ARMC9: variants seen among roughly 807,000 people sequenced by gnomAD.
The protein encoded by ARMC9 is lisH domain-containing protein ARMC9.
A neutral mutation model predicts 107.0 loss-of-function variants in ARMC9; 94 were observed. The ratio of observed to expected loss-of-function variants is 0.88; its 90% CI spans 0.74 to 1.04. ARMC9 has a LOEUF of 1.04. Ranked by LOEUF, ARMC9 falls within the 50% of genes least tolerant of loss-of-function variation. ARMC9 has a pLI of 0.00. For synonymous variants in ARMC9, 380 were observed against 396.9 expected, an observed-to-expected ratio of 0.96 and a Z score of 0.51; for missense variants, 942 against 1,030.1, an observed-to-expected ratio of 0.91 and a Z score of 1.17.
intron 7 of ARMC9, among the ~76,000 whole-genome samples, chr2:231,233,170 A>T (rs1304378896): frequency 6.6e-6 from 1 of 152,238 alleles, no homozygotes; most frequent in Non-Finnish European, 1.5e-5. Flanking sequence ...TTGGGTTTTA[A>T]TAGTAAAAAT....
intron 17 of ARMC9, among the ~76,000 whole-genome samples, chr2:231,283,582 A>T (rs1172729049): frequency 6.6e-6 from 1 of 151,998 alleles, no homozygotes; most frequent in East Asian, 1.9e-4. Context: ...GGTGTGCACC[A>T]CCACACCTAG....
At position 231,355,821 on chromosome 2, in the gene ARMC9, C is replaced by A. The variant is rs919608368; in HGVS notation, c.2018C>A (p.Pro673His). ...YPVVEDQHTP[P>H]QTAQHARNGH... ...AGGGTGGAAGACCAACACACACCTC[C>A]CCAGACAGCCCAGCACGCCAGAAAC... Residue 673 changes from proline (P) to histidine (H), a missense_variant, in exon 22 of 25, where the codon CCC becomes CAC. Transcript: ENST00000611582. 2.6e-6 allele frequency: 4 copies of A among 1,535,904 alleles called. No homozygotes were observed. The highest frequency in any genetic ancestry group is 3.5e-6 in the Non-Finnish European group (4 of 1,146,830).
intron 16 of ARMC9, among the ~76,000 whole-genome samples, chr2:231,281,497 A>G (rs2040216872): frequency 6.6e-6 from 1 of 152,136 alleles, no homozygotes; most frequent in Non-Finnish European, 1.5e-5. Flanking sequence ...ACTGGGCTCT[A>G]TGGAAGGTTT....
intron 18 of ARMC9, chr2:231,293,826 G>A (rs1369890783): frequency 6.6e-6 from 1 of 152,210 alleles, no homozygotes; most frequent in Non-Finnish European, 1.5e-5. Context: ...AAATTTTACA[G>A]TGATTGAACA....
At chr2:231,244,242 A>G (rs1238653572) in intron 9 of ARMC9, among the ~76,000 whole-genome samples, 1 of 152,210 alleles carries the variant, frequency 6.6e-6, no homozygotes, top group Non-Finnish European at 1.5e-5. Flanking sequence ...GGCCCATTAA[A>G]TCGAGCCCTT....
At chr2:231,285,215 T>G (rs966216865) in intron 17 of ARMC9, among the ~76,000 whole-genome samples, 4 of 151,708 alleles carry the variant, frequency 2.6e-5, no homozygotes, top group Non-Finnish European at 5.9e-5. Context: ...AAAAAAAAAT[T>G]ATAGCGGTCT....
At chr2:231,291,550 G>A in intron 18 of ARMC9, 107 bp downstream of exon 18, 1 of 1,131,086 alleles carries the variant, frequency 8.8e-7, no homozygotes, top group Non-Finnish European at 1.3e-6. Flanking sequence ...GGGCACGGTG[G>A]CTCGTGCTTA....
intron 12 of ARMC9, among the ~76,000 whole-genome samples, chr2:231,269,858 A>C (rs1366440663): frequency 6.6e-6 from 1 of 151,666 alleles, no homozygotes; most frequent in African/African-American, 2.4e-5. Flanking sequence ...CATTTACTCC[A>C]AGCCCCGCCC....
intron 19 of ARMC9, among the ~76,000 whole-genome samples, chr2:231,308,103 C>G (rs2042132161): frequency 6.6e-6 from 1 of 152,194 alleles, no homozygotes; most frequent in Non-Finnish European, 1.5e-5. Flanking sequence ...GCCCAAGAGA[C>G]GTGAGCAGAG....
At chr2:231,311,783 A>G (rs2042366722) in intron 19 of ARMC9, among the ~76,000 whole-genome samples, 1 of 151,042 alleles carries the variant, frequency 6.6e-6, no homozygotes, top group Non-Finnish European at 1.5e-5. Flanking sequence ...AAAAAAAAAA[A>G]AAAAAAAAAA....
rs565858969 is a variant in ARMC9 at position 231,325,538 on chromosome 2, G to A, written c.1774-6255G>A. On this transcript the variant is annotated intron_variant, in intron 19 of 24. Transcript: ENST00000611582. ...GTGATTCCAATGCCCATTTCCAGCT[G>A]GGGCCTCTGAGGCTCTGTCCCCTGG... 2.6e-5 allele frequency among the ~76,000 whole-genome samples: 4 copies of A among 152,224 alleles called. No individual in the cohort carries two copies. The East Asian group carries it at 5.8e-4, about 22-fold the overall frequency.
Position 231,273,096 on chromosome 2 carries a change from G to C in ARMC9, c.1334+18G>C. ...AGTCTCAGGTAACGACTGTGCAATAGGTCACGGTGTCTCCTGTGAGATCAG... is the reference window on the plus strand; with the variant it reads ...AGTCTCAGGTAACGACTGTGCAATACGTCACGGTGTCTCCTGTGAGATCAG... On this transcript the variant is annotated intron_variant, in intron 14 of 24. Coordinates refer to ENST00000611582, the MANE Select transcript of ARMC9 (RefSeq NM_001352754.2). 1 of 1,607,924 alleles carries C rather than the reference G, an allele frequency of 6.2e-7. No individual in the cohort carries two copies. Among genetic ancestry groups the C allele is most frequent in the Non-Finnish European group, 8.5e-7 (1 of 1,177,056 alleles).
Position 231,360,892 on chromosome 2 carries a change from G to T in ARMC9, c.2261+9G>T, listed in dbSNP as rs1412861816. On this transcript the variant is annotated intron_variant, in intron 23 of 24. Transcript: ENST00000611582. The surrounding 1 kb of genome is among the most constrained non-coding windows in gnomAD (Gnocchi z 4.7). ...AATGGAGTGACCACCAGGTAAGGGG[G>T]ATATCACAAGGCCTCGAACCTGACT... 5.9e-6 allele frequency: 9 copies of T among 1,520,066 alleles called. No homozygotes were observed. The highest frequency in any genetic ancestry group is 7.9e-6 in the Non-Finnish European group (9 of 1,139,524). The allele number at this position is 1,520,066 out of a possible 1,614,324, so 94.2% of individuals were successfully genotyped here. A position where few individuals can be genotyped will look rare whatever the true frequency, so the allele number is the denominator to read the frequency against.
chr2:231,305,770 TAGAG>T (rs1279732242), intron 19 of ARMC9, among the ~76,000 whole-genome samples: 1 of 152,156 alleles, frequency 6.6e-6, no homozygotes, highest in Non-Finnish European at 1.5e-5. Context: ...AAAAAAATAG[TAGAG>T]AGGATTCCTG....
At chr2:231,212,391 A>G (rs2032993394) in intron 3 of ARMC9, among the ~76,000 whole-genome samples, 1 of 152,272 alleles carries the variant, frequency 6.6e-6, no homozygotes. Context: ...ATGACATAGC[A>G]AAGGTTTGTG....
intron 20 of ARMC9, among the ~76,000 whole-genome samples, chr2:231,338,063 G>T (rs981425040): frequency 2.0e-5 from 3 of 152,098 alleles, no homozygotes; most frequent in Non-Finnish European, 4.4e-5. Context: ...ATCTCTTAGC[G>T]TGGCCCTGCC....
chr2:231,199,757 A>G (rs1487663224), intron 1 of ARMC9, among the ~76,000 whole-genome samples: 2 of 151,958 alleles, frequency 1.3e-5, no homozygotes, highest in Non-Finnish European at 2.9e-5. Flanking sequence ...GTGGAGTGGC[A>G]TGATCTCGGC....
At chr2:231,272,500 G>GTGTGTT (rs1553611246) in intron 13 of ARMC9, among the ~76,000 whole-genome samples, 5 of 147,492 alleles carry the variant, frequency 3.4e-5, no homozygotes, top group South Asian at 2.2e-4. Flanking sequence ...CAACCAGTAA[G>GTGTGTT]TGTTTGTTTG....
intron 9 of ARMC9, among the ~76,000 whole-genome samples, chr2:231,254,747 T>C (rs1394722159): frequency 6.6e-6 from 1 of 152,122 alleles, no homozygotes; most frequent in Admixed American, 6.5e-5. Context: ...CTTCTGTAAT[T>C]TCATGCACAC....
Sources: allele counts gnomAD v4.1 joint callset (sites outside exome capture counted in the v4.1 genomes callset), GRCh38; gene constraint gnomAD v4.1.1; non-coding constraint Gnocchi (gnomAD v3.1); transcripts MANE v1.5; gene names NCBI Gene and HGNC (gene_info 2026-07-23, HGNC 2026-07-21).